FGF14: variants seen among roughly 807,000 people sequenced by gnomAD.
The protein encoded by FGF14 is fibroblast growth factor 14, also known as fibroblast growth factor homologous factor 4.
A neutral mutation model predicts 25.5 loss-of-function variants in FGF14; 5 were observed. That is an observed-to-expected ratio of 0.20 (90% CI 0.10 to 0.41). The LOEUF is 0.41. Among genes scored for constraint, FGF14 ranks in the 10% least tolerant of loss-of-function variants. FGF14 has a pLI of 1.00. For synonymous variants in FGF14, 138 were observed against 118.3 expected (o/e 1.17, Z -1.08); for missense variants, 222 against 320.1 (o/e 0.69, Z 2.34).
chr13:102,179,915 C>T (rs867899932), intron 1 of FGF14, among the ~76,000 whole-genome samples: 33 of 152,200 alleles, frequency 2.2e-4, no homozygotes, highest in African/African-American at 7.7e-4. Context: ...TATATGAATT[C>T]TAAAATATAT....
At position 101,788,905 on chromosome 13, in the gene FGF14, TATATAGAGAGAGAGAGAG is replaced by T. The variant is rs1390159071; in HGVS notation, c.409-62113_409-62096del. Among the ~76,000 whole-genome samples the T allele has an allele frequency of 5.8e-4, 19 of 32,844 alleles. 1 individual carries two copies. The highest frequency in any genetic ancestry group is 3.2e-3 in the East Asian group (4 of 1,234). 21.5% of individuals were successfully genotyped at this position (32,844 alleles called of 152,430 possible). A position where few individuals can be genotyped will look rare whatever the true frequency, so the allele number is the denominator to read the frequency against. Reference sequence around the variant, plus strand: ...ATATATATATATATATATATATATATATATAGAGAGAGAGAGAGAGAGAGAGAGAGAGAGAGAGAGAGA... The same window carrying T: ...ATATATATATATATATATATATATATAGAGAGAGAGAGAGAGAGAGAGAGA... On this transcript the variant is annotated intron_variant, in intron 3 of 4. Transcript: ENST00000376143.
At chr13:101,924,180 A>G (rs1003862462) in intron 1 of FGF14, among the ~76,000 whole-genome samples, 1 of 152,160 alleles carries the variant, frequency 6.6e-6, no homozygotes, top group African/African-American at 2.4e-5. Flanking sequence ...AAGTTCATTT[A>G]TAATCTCAAT....
intron 1 of FGF14, among the ~76,000 whole-genome samples, chr13:102,286,838 C>A (rs1047803668): frequency 2.0e-5 from 3 of 152,106 alleles, no homozygotes; most frequent in Non-Finnish European, 4.4e-5. Context: ...ATGGACTAAT[C>A]CCTGGGATTC....
At chr13:102,005,828 T>C (rs2039754282) in intron 1 of FGF14, among the ~76,000 whole-genome samples, 1 of 152,244 alleles carries the variant, frequency 6.6e-6, no homozygotes, top group African/African-American at 2.4e-5. Context: ...CTCAAGCATT[T>C]CTGAGATAAA....
At chr13:102,376,410 G>GC (rs1257678835) in intron 1 of FGF14, among the ~76,000 whole-genome samples, 5 of 152,140 alleles carry the variant, frequency 3.3e-5, no homozygotes, top group Admixed American at 3.3e-4. Flanking sequence ...GTCTTTATTA[G>GC]CAGTATAAGA....
At chr13:101,932,756 T>TAAAAA (rs869271842) in intron 1 of FGF14, among the ~76,000 whole-genome samples, 4 of 98,572 alleles carry the variant, frequency 4.1e-5, no homozygotes, top group Admixed American at 2.2e-4. Context: ...AAAATTACAG[T>TAAAAA]AAAAAAAAAA....
At chr13:102,382,322 T>C (rs1434612481) in intron 1 of FGF14, among the ~76,000 whole-genome samples, 2 of 152,100 alleles carry the variant, frequency 1.3e-5, no homozygotes, top group Non-Finnish European at 2.9e-5. Flanking sequence ...GGGCAAATAA[T>C]TTGAGTAGAC....
At chr13:102,031,597 A>C (rs768346975) in intron 1 of FGF14, among the ~76,000 whole-genome samples, 13 of 152,122 alleles carry the variant, frequency 8.5e-5, no homozygotes, top group South Asian at 4.1e-4. Flanking sequence ...AAGACCAAAA[A>C]TCTATATTTT....
chr13:101,711,727 C>T lies in FGF14; in HGVS notation c.*11104G>A, dbSNP rs1378256875. ...TCCCCTTCCTATGTCCTAAGATGCC[C>T]TGAAGACACATGAGAAAATGTGGCT... On this transcript the variant is annotated 3_prime_UTR_variant, in exon 5 of 5. Transcript: ENST00000376143. The T allele has an allele frequency of 6.6e-6, 1 of 152,150 alleles. No individual in the cohort carries two copies. Among genetic ancestry groups the T allele is most frequent in the Non-Finnish European group, 1.5e-5 (1 of 68,052 alleles). The allele number at this position is 152,150 out of a possible 1,614,324, so 9.4% of individuals were successfully genotyped here.
At chr13:102,201,218 C>CCTCA (rs2049631211) in intron 1 of FGF14, among the ~76,000 whole-genome samples, 2 of 151,334 alleles carry the variant, frequency 1.3e-5, no homozygotes, top group Admixed American at 1.3e-4. Context: ...TGGGCGATCT[C>CCTCA]CTCAAGCTAG....
At chr13:102,091,621 C>T (rs538397418) in intron 1 of FGF14, among the ~76,000 whole-genome samples, 2 of 152,282 alleles carry the variant, frequency 1.3e-5, no homozygotes, top group South Asian at 2.1e-4. Flanking sequence ...TGAGTCTTTC[C>T]TCTGAGCTCA....
chr13:102,156,977 A>T (rs2047372107), intron 1 of FGF14, among the ~76,000 whole-genome samples: 1 of 152,200 alleles, frequency 6.6e-6, no homozygotes, highest in Non-Finnish European at 1.5e-5. Context: ...TTCAAGGAGA[A>T]CTACAAACCA....
chr13:102,013,070 G>T (rs1209284980), intron 1 of FGF14, among the ~76,000 whole-genome samples: 1 of 152,052 alleles, frequency 6.6e-6, no homozygotes, highest in Non-Finnish European at 1.5e-5. Flanking sequence ...CAGAAAGATT[G>T]CTTGAGCCCA....
intron 3 of FGF14, among the ~76,000 whole-genome samples, chr13:101,758,486 A>G (rs892794727): frequency 6.6e-6 from 1 of 152,238 alleles, no homozygotes; most frequent in African/African-American, 2.4e-5. Flanking sequence ...GAGTATGATG[A>G]GCACTTGCTA....
intron 1 of FGF14, among the ~76,000 whole-genome samples, chr13:102,150,884 A>T (rs547511982): frequency 3.2e-4 from 49 of 152,206 alleles, no homozygotes; most frequent in Admixed American, 3.1e-3. Context: ...ACAATTAATC[A>T]TCTAGCCCCA....
intron 3 of FGF14, among the ~76,000 whole-genome samples, chr13:101,803,700 T>G (rs1419272294): frequency 6.6e-6 from 1 of 152,178 alleles, no homozygotes; most frequent in Non-Finnish European, 1.5e-5. Context: ...TATGATCCTG[T>G]AGATGTGTCC....
chr13:101,916,471 G>A lies in FGF14; in HGVS notation c.175C>T (p.Arg59Cys), dbSNP rs770377611. The A allele has an allele frequency of 1.1e-5, 17 of 1,613,810 alleles. No individual in the cohort carries two copies. The highest frequency in any genetic ancestry group is 1.7e-5 in the Admixed American group (1 of 60,012). ...SKVRIFGLKKRRLRRQDPQLK... is the reference protein window; with the variant it reads ...SKVRIFGLKKCRLRRQDPQLK... Reference sequence around the variant, plus strand: ...CACAGACCTTGGCGCCGCAACCTGCGCTTCTTGAGGCCGAAGATGCGCACT... The same window carrying A: ...CACAGACCTTGGCGCCGCAACCTGCACTTCTTGAGGCCGAAGATGCGCACT... The change falls in exon 1 of 5, where the codon CGC becomes TGC. Residue 59 changes from arginine (R) to cysteine (C), a missense_variant. Transcript: ENST00000376143.
At chr13:102,241,492 T>A (rs2051598275) in intron 1 of FGF14, among the ~76,000 whole-genome samples, 1 of 152,102 alleles carries the variant, frequency 6.6e-6, no homozygotes, top group Non-Finnish European at 1.5e-5. Flanking sequence ...AATAAAGTTA[T>A]AAGATGAAGA....
At chr13:102,022,062 C>T (rs184651063) in intron 1 of FGF14, among the ~76,000 whole-genome samples, 38 of 152,216 alleles carry the variant, frequency 2.5e-4, no homozygotes, top group Admixed American at 7.9e-4. Context: ...GACTTCCTGC[C>T]TAATTCTACC....
Sources: gnomAD v4.1 joint callset for allele counts (sites outside exome capture counted in the v4.1 genomes callset) on GRCh38, gnomAD v4.1.1 for gene constraint, MANE v1.5 for transcripts, NCBI Gene and HGNC (gene_info 2026-07-23, HGNC 2026-07-21) for gene names.